Variants in KIF26B observed in about 807,000 individuals in gnomAD.
KIF26B encodes kinesin-like protein KIF26B.
A neutral mutation model predicts 151.2 loss-of-function variants in KIF26B; 63 were observed. The ratio of observed to expected loss-of-function variants is 0.42; its 90% CI spans 0.34 to 0.51. The LOEUF (loss-of-function observed/expected upper bound fraction) is 0.51, where lower values mean the gene tolerates loss of function less well. KIF26B is among the 20% of genes least tolerant of loss of function. The pLI is 0.07. For missense variants in KIF26B, 2,813 were observed against 2,913.6 expected (o/e 0.97, Z 0.79); for synonymous variants, 1,357 against 1,262.1 (o/e 1.08, Z -1.59).
At position 245,470,873 on chromosome 1, in the gene KIF26B, C is replaced by T. The variant is rs1358189209; in HGVS notation, c.1166+51128C>T. Reference sequence around the variant, plus strand: ...AGATGCTCATTTCCTTCTGGACTCCCTAGTACAATTTCATCAATTTCATAT... The same window carrying T: ...AGATGCTCATTTCCTTCTGGACTCCTTAGTACAATTTCATCAATTTCATAT... On this transcript the variant is annotated intron_variant, in intron 4 of 14. Coordinates refer to ENST00000407071, the MANE Select transcript of KIF26B (RefSeq NM_018012.4). Among the ~76,000 whole-genome samples, 4 of 152,218 alleles carry T rather than the reference C, an allele frequency of 2.6e-5. No individual in the cohort carries two copies. In the East Asian group the frequency reaches 7.7e-4, roughly 29 times the overall value.
rs1661589811 is a variant in KIF26B, at chr1:245,540,529, A to T, written c.1167-238A>T. The T allele has an allele frequency of 4.3e-6, 3 of 692,480 alleles. No individual in the cohort carries two copies. Among genetic ancestry groups the T allele is most frequent in the Non-Finnish European group, 5.3e-6 (2 of 378,556 alleles). The allele number at this position is 692,480 out of a possible 1,614,324, so 42.9% of individuals were successfully genotyped here. ...AACACATCATTCTTTGTAAATCGTG[A>T]TTGCAGAATCCTGCTATTTTATGGC... is the stretch of plus-strand genomic sequence containing the variant. On this transcript the variant is annotated intron_variant, in intron 4 of 14. Coordinates refer to ENST00000407071, the MANE Select transcript of KIF26B (RefSeq NM_018012.4). This position sits in a 1 kb window ranked among gnomAD's most constrained non-coding sequence, Gnocchi z 4.6.
intron 4 of KIF26B, among the ~76,000 whole-genome samples, chr1:245,437,941 A>C (rs1658974564): frequency 6.6e-6 from 1 of 152,128 alleles, no homozygotes; most frequent in South Asian, 2.1e-4. Context: ...ATTTAGTCCC[A>C]TTATTTTTTT....
intron 2 of KIF26B, among the ~76,000 whole-genome samples, chr1:245,323,933 T>TGGTCCTGCC (rs1671934363): frequency 8.4e-6 from 1 of 119,492 alleles, no homozygotes; most frequent in African/African-American, 3.3e-5. Context: ...GGAGGTGGGG[T>TGGTCCTGCC]AGACCCTTAT....
chr1:245,240,369 A>G (rs565354997), intron 2 of KIF26B, among the ~76,000 whole-genome samples: 1 of 152,260 alleles, frequency 6.6e-6, no homozygotes, highest in South Asian at 2.1e-4. Flanking sequence ...CTTAGTGTAT[A>G]TACCTCAGTG....
Position 245,305,395 on chromosome 1 carries a change from T to A in KIF26B, c.466-61439T>A, listed in dbSNP as rs989667270. 7.2e-5 allele frequency among the ~76,000 whole-genome samples: 11 copies of A among 152,180 alleles called. 1 individual carries two copies. In the East Asian group the frequency reaches 1.9e-3, roughly 27 times the overall value. Reference sequence around the variant, plus strand: ...TATATGAAAGACTCTTGCCACTCAATAATAAAAAGACAAGTCAATTATAAA... The same window carrying A: ...TATATGAAAGACTCTTGCCACTCAAAAATAAAAAGACAAGTCAATTATAAA... On this transcript the variant is annotated intron_variant, in intron 2 of 14. Coordinates refer to ENST00000407071, the MANE Select transcript of KIF26B (RefSeq NM_018012.4).
intron 5 of KIF26B, among the ~76,000 whole-genome samples, chr1:245,587,274 A>C (rs191523473): frequency 2.4e-4 from 36 of 152,288 alleles, no homozygotes; most frequent in Non-Finnish European, 4.7e-4. Context: ...ACCCCAGTAC[A>C]CAACTCTTTT....
At chr1:245,441,153 A>G (rs1405012507) in intron 4 of KIF26B, among the ~76,000 whole-genome samples, 1 of 152,082 alleles carries the variant, frequency 6.6e-6, no homozygotes. Context: ...GAACCTGGAG[A>G]GCAATCCAGC....
intron 5 of KIF26B, among the ~76,000 whole-genome samples, chr1:245,588,245 A>G (rs1045506773): frequency 2.0e-5 from 3 of 152,214 alleles, no homozygotes; most frequent in Non-Finnish European, 4.4e-5. Flanking sequence ...CCTAACCCCC[A>G]TCTGATCTTC....
At chr1:245,611,753 C>T (rs1296690947) in intron 8 of KIF26B, 40 bp from the exon 9 acceptor site, 7 of 1,593,118 alleles carry the variant, frequency 4.4e-6, no homozygotes, top group East Asian at 4.5e-5. Context: ...AGCAAGCCCT[C>T]CTCAGCCTGC....
intron 4 of KIF26B, among the ~76,000 whole-genome samples, chr1:245,437,768 A>C (rs1282117818): frequency 1.3e-5 from 2 of 152,208 alleles, no homozygotes; most frequent in Non-Finnish European, 2.9e-5. Flanking sequence ...TCAAAATTAC[A>C]TGCCGTTAAT....
chr1:245,379,095 AT>A (rs1211197383), intron 3 of KIF26B, among the ~76,000 whole-genome samples: 7 of 152,250 alleles, frequency 4.6e-5, no homozygotes, highest in Non-Finnish European at 1.0e-4. Context: ...AAAGACATCA[AT>A]CACCAATTTC....
intron 4 of KIF26B, among the ~76,000 whole-genome samples, chr1:245,422,106 GA>G (rs1658502331): frequency 6.6e-6 from 1 of 152,104 alleles, no homozygotes; most frequent in Non-Finnish European, 1.5e-5. Context: ...CAAAGAGCTG[GA>G]AAGGATCCCT....
chr1:245,271,311 C>G (rs1670852629), intron 2 of KIF26B, among the ~76,000 whole-genome samples: 4 of 152,086 alleles, frequency 2.6e-5, no homozygotes, highest in South Asian at 2.1e-4. Flanking sequence ...TGGGAATTTG[C>G]TAGGAATTTC....
chr1:245,480,486 G>T (rs1191009642), intron 4 of KIF26B, among the ~76,000 whole-genome samples: 2 of 151,680 alleles, frequency 1.3e-5, no homozygotes, highest in African/African-American at 4.8e-5. Flanking sequence ...GTGTTTGAGG[G>T]TTTCTGCATT....
chr1:245,569,061 T>C (rs1367908722), intron 5 of KIF26B, among the ~76,000 whole-genome samples: 3 of 152,188 alleles, frequency 2.0e-5, no homozygotes, highest in South Asian at 2.1e-4. Flanking sequence ...CAGGGTTTGG[T>C]TGGTTGTGAA....
chr1:245,458,232 C>T (rs1659580905), intron 4 of KIF26B, among the ~76,000 whole-genome samples: 1 of 152,172 alleles, frequency 6.6e-6, no homozygotes, highest in Non-Finnish European at 1.5e-5. Flanking sequence ...GTTCTCAAGC[C>T]CTCTCTCTTA....
At chr1:245,320,178 G>A (rs1671861202) in intron 2 of KIF26B, among the ~76,000 whole-genome samples, 1 of 152,222 alleles carries the variant, frequency 6.6e-6, no homozygotes, top group South Asian at 2.1e-4. Flanking sequence ...ACAGTGCTCA[G>A]AACAGCAATG....
intron 4 of KIF26B, among the ~76,000 whole-genome samples, chr1:245,438,617 T>G (rs914717594): frequency 6.6e-6 from 1 of 152,026 alleles, no homozygotes; most frequent in African/African-American, 2.4e-5. Context: ...GTGTTATTCA[T>G]CAAAGCCCCC....
chr1:245,181,548 A>G (rs1229178754), intron 2 of KIF26B, among the ~76,000 whole-genome samples: 1 of 150,950 alleles, frequency 6.6e-6, no homozygotes, highest in Non-Finnish European at 1.5e-5. Context: ...AAATTCTTCC[A>G]TTATATTATA....
Sources: allele counts gnomAD v4.1 joint callset (sites outside exome capture counted in the v4.1 genomes callset), GRCh38; gene constraint gnomAD v4.1.1; non-coding constraint Gnocchi (gnomAD v3.1); transcripts MANE v1.5; gene names NCBI Gene and HGNC (gene_info 2026-07-23, HGNC 2026-07-21).